Variants in PRKN observed in about 807,000 individuals in gnomAD.
The protein encoded by PRKN is parkin RBR E3 ubiquitin protein ligase.
A neutral mutation model predicts 59.5 loss-of-function variants in PRKN; 56 were observed. The observed-to-expected ratio is 0.94, with a 90% CI of 0.76 to 1.18. The LOEUF (loss-of-function observed/expected upper bound fraction) is 1.18, where lower values mean the gene tolerates loss of function less well. Among genes scored for constraint, PRKN ranks in the 50% most tolerant of loss-of-function variants. PRKN has a pLI of 0.00. For missense variants in PRKN, 657 were observed against 596.4 expected (o/e 1.10, Z -1.06); for synonymous variants, 250 against 222.1 (o/e 1.13, Z -1.12).
intron 7 of PRKN, among the ~76,000 whole-genome samples, chr6:161,640,703 G>A (rs1378352978): frequency 1.3e-5 from 2 of 152,158 alleles, no homozygotes; most frequent in Non-Finnish European, 2.9e-5. Flanking sequence ...AAGACACCAA[G>A]TGAAGGGAAA....
At chr6:161,381,254 TA>T (rs948707111) in intron 10 of PRKN, among the ~76,000 whole-genome samples, 1 of 152,108 alleles carries the variant, frequency 6.6e-6, no homozygotes, top group African/African-American at 2.4e-5. Flanking sequence ...GAGTGACCAG[TA>T]AGAACAATGG....
At position 161,552,785 on chromosome 6, in the gene PRKN, T is replaced by C. The variant is rs796950332; in HGVS notation, c.934-3782A>G. ...CCTAAAAGACACCATGGTTTTGTTG[T>C]TGTTTTTGTTTTTTGTTTTTTTTTT... On this transcript the variant is annotated intron_variant, in intron 8 of 11. Transcript: ENST00000366898. The surrounding 1 kb of genome is among the most constrained non-coding windows in gnomAD (Gnocchi z 4.9). 8.4e-6 allele frequency among the ~76,000 whole-genome samples: 1 copy of C among 118,698 alleles called. No homozygotes were observed. Among genetic ancestry groups the C allele is most frequent in the South Asian group, 2.7e-4 (1 of 3,718 alleles). 77.9% of individuals were successfully genotyped at this position (118,698 alleles called of 152,430 possible).
chr6:161,543,746 T>C (rs1248057588), intron 9 of PRKN, among the ~76,000 whole-genome samples: 3 of 152,240 alleles, frequency 2.0e-5, no homozygotes, highest in Non-Finnish European at 4.4e-5. Context: ...CCCAGACATG[T>C]AATACCCCAA....
chr6:161,454,367 G>A lies in PRKN; in HGVS notation c.1084-67490C>T. On this transcript the variant is annotated intron_variant, in intron 9 of 11. Transcript: ENST00000366898. This position sits in a 1 kb window ranked among gnomAD's most constrained non-coding sequence, Gnocchi z 4.6. ...TCCATACTCTGAAGTTCTTGAAGAA[G>A]GCACTGGCTGGGGTTAGGGTGGCTT... Among the ~76,000 whole-genome samples, 1 of 152,146 alleles carries A rather than the reference G, an allele frequency of 6.6e-6. No homozygotes were observed. Among genetic ancestry groups the A allele is most frequent in the East Asian group, 1.9e-4 (1 of 5,182 alleles).
At chr6:162,513,828 T>C (rs1158315371) in intron 1 of PRKN, among the ~76,000 whole-genome samples, 1 of 151,720 alleles carries the variant, frequency 6.6e-6, no homozygotes, top group Non-Finnish European at 1.5e-5. Context: ...CTGAGGCAGG[T>C]GGACCACTTG....
chr6:162,233,053 A>G (rs975441705), intron 3 of PRKN, among the ~76,000 whole-genome samples: 2 of 152,210 alleles, frequency 1.3e-5, no homozygotes, highest in Non-Finnish European at 2.9e-5. Flanking sequence ...ATTTCCTTAC[A>G]GTAAAATAAT....
chr6:162,460,141 T>A (rs1370889647), intron 1 of PRKN, among the ~76,000 whole-genome samples: 1 of 152,218 alleles, frequency 6.6e-6, no homozygotes, highest in Non-Finnish European at 1.5e-5. Flanking sequence ...ACCAATGATA[T>A]ATGCATGTGT....
At chr6:162,675,959 T>C (rs1205646866) in intron 1 of PRKN, among the ~76,000 whole-genome samples, 1 of 152,188 alleles carries the variant, frequency 6.6e-6, no homozygotes, top group African/African-American at 2.4e-5. Context: ...AAAGTATGTG[T>C]AATTATTCAA....
intron 9 of PRKN, among the ~76,000 whole-genome samples, chr6:161,504,745 A>G (rs938837032): frequency 1.5e-4 from 22 of 144,744 alleles, no homozygotes; most frequent in Non-Finnish European, 3.0e-4. Context: ...CCATTGTTCA[A>G]TTCCCACCTA....
At chr6:161,699,662 C>T (rs777119553) in intron 7 of PRKN, among the ~76,000 whole-genome samples, 1 of 151,974 alleles carries the variant, frequency 6.6e-6, no homozygotes, top group Non-Finnish European at 1.5e-5. Flanking sequence ...TCAGGAAATG[C>T]AAAGTAATCT....
chr6:161,854,076 T>C (rs12664264), intron 6 of PRKN, among the ~76,000 whole-genome samples: 39,410 of 146,168 alleles, frequency 0.27, 6,056 homozygotes, highest in South Asian at 0.4. Flanking sequence ...TGAAACCCTG[T>C]TTCTACATAA....
chr6:162,071,958 C>T (rs765851309), intron 4 of PRKN, among the ~76,000 whole-genome samples: 1 of 152,122 alleles, frequency 6.6e-6, no homozygotes, highest in Non-Finnish European at 1.5e-5. Flanking sequence ...TGTTTGGAAT[C>T]ACTACCAAAC....
chr6:162,589,536 CTTTAAA>C (rs1311637897), intron 1 of PRKN, among the ~76,000 whole-genome samples: 1 of 151,972 alleles, frequency 6.6e-6, no homozygotes. Context: ...AAACATTTAA[CTTTAAA>C]TTTAACTTTT....
chr6:162,644,332 C>T (rs1778081216), intron 1 of PRKN, among the ~76,000 whole-genome samples: 1 of 152,146 alleles, frequency 6.6e-6, no homozygotes, highest in Non-Finnish European at 1.5e-5. Flanking sequence ...GTCCAGACCA[C>T]ACTTGGCAGT....
At chr6:161,830,257 GTT>G (rs35558751) in intron 6 of PRKN, among the ~76,000 whole-genome samples, 1 of 144,484 alleles carries the variant, frequency 6.9e-6, no homozygotes, top group Admixed American at 6.9e-5. Context: ...TTTGTTTTTT[GTT>G]TTTTTTTTTT....
chr6:162,303,227 C>G (rs1212960802), intron 2 of PRKN, among the ~76,000 whole-genome samples: 8 of 152,118 alleles, frequency 5.3e-5, no homozygotes, highest in Admixed American at 3.3e-4. Flanking sequence ...GTACTATGCC[C>G]AAATATTATT....
At chr6:161,375,756 A>C (rs1490563243) in intron 10 of PRKN, among the ~76,000 whole-genome samples, 1 of 152,132 alleles carries the variant, frequency 6.6e-6, no homozygotes, top group Non-Finnish European at 1.5e-5. Context: ...TTGGAAACGC[A>C]CTGCAGAGGG....
intron 6 of PRKN, among the ~76,000 whole-genome samples, chr6:161,969,278 T>TG (rs1415045742): frequency 6.6e-6 from 1 of 151,714 alleles, no homozygotes; most frequent in East Asian, 1.9e-4. Flanking sequence ...GTTTTTTTTT[T>TG]TTTTTTTTAA....
chr6:162,364,940 T>C (rs1156786747), intron 2 of PRKN, among the ~76,000 whole-genome samples: 3 of 151,494 alleles, frequency 2.0e-5, no homozygotes, highest in Non-Finnish European at 2.9e-5. Flanking sequence ...AGGCATTTTT[T>C]AGAATAGAAA....
Sources: gnomAD v4.1 joint callset for allele counts (sites outside exome capture counted in the v4.1 genomes callset) on GRCh38, gnomAD v4.1.1 for gene constraint, Gnocchi (gnomAD v3.1) non-coding constraint, MANE v1.5 for transcripts, NCBI Gene and HGNC (gene_info 2026-07-23, HGNC 2026-07-21) for gene names.